Variants in GABARAPL1 observed in about 807,000 individuals in gnomAD.
GABARAPL1 encodes GABA type A receptor associated protein like 1.
GABARAPL1 carries 4 observed loss-of-function variants against 14.5 expected under a neutral mutation model. That is an observed-to-expected ratio of 0.28 (90% CI 0.14 to 0.63). GABARAPL1 has a LOEUF of 0.63. Ranked by LOEUF, GABARAPL1 falls within the 30% of genes least tolerant of loss-of-function variation. The pLI is 0.84. For synonymous variants in GABARAPL1, 47 were observed against 50.6 expected (o/e 0.93, Z 0.30); for missense variants, 82 against 139.2 (o/e 0.59, Z 2.07).
intron 1 of GABARAPL1, among the ~76,000 whole-genome samples, chr12:10,215,284 A>T (rs537262938): frequency 6.6e-6 from 1 of 152,326 alleles, no homozygotes; most frequent in African/African-American, 2.4e-5. Flanking sequence ...ACCAGAACTT[A>T]GCCCCACCAA....
intron 1 of GABARAPL1, chr12:10,213,552 C>G (rs539009755): frequency 3.0e-6 from 1 of 337,532 alleles, no homozygotes; most frequent in Admixed American, 4.2e-5. Flanking sequence ...CCCCTGTGGG[C>G]GAGACTGGTT....
intron 1 of GABARAPL1, chr12:10,213,797 C>A: frequency 2.2e-6 from 1 of 455,314 alleles, no homozygotes; most frequent in Non-Finnish European, 4.4e-6. Flanking sequence ...AACAAGGTCA[C>A]GTTCTCTGCC....
intron 3 of GABARAPL1, chr12:10,221,015 C>T: frequency 2.0e-6 from 2 of 985,314 alleles, no homozygotes; most frequent in Non-Finnish European, 1.2e-6. Context: ...AACTCTGAGG[C>T]CAGCCTCTGC....
In GABARAPL1 at chr12:10,213,165, G is replaced by A. The variant is rs1949067373; in HGVS notation, c.36G>A (p.Glu12=). ...AGTACAAGGAGGACCATCCCTTTGA[G>A]TATCGGAAAAAGGAAGGAGAAAAGA... is the stretch of plus-strand genomic sequence containing the variant. ...KFQYKEDHPF[E]YRKKEGEKIR... The change falls in exon 1 of 4, where the codon GAG becomes GAA. Residue 12 remains glutamate (E), a synonymous_variant. Coordinates refer to ENST00000266458, the MANE Select transcript of GABARAPL1 (RefSeq NM_031412.4). 2.5e-6 allele frequency: 4 copies of A among 1,588,372 alleles called. No homozygotes were observed. The highest frequency in any genetic ancestry group is 3.4e-6 in the Non-Finnish European group (4 of 1,167,488).
Position 10,221,982 on chromosome 12 carries a change from C to T in GABARAPL1, c.*130C>T, listed in dbSNP as rs568814340. The T allele has an allele frequency of 2.4e-5, 17 of 721,934 alleles. No individual in the cohort carries two copies. In the East Asian group the frequency reaches 3.9e-4, roughly 17 times the overall value. The allele number at this position is 721,934 out of a possible 1,614,324, so 44.7% of individuals were successfully genotyped here. ...AAGGTGAAGACATCTAGAAACATTACACCACACACACCGTCATCACATTTT... is the reference window on the plus strand; with the variant it reads ...AAGGTGAAGACATCTAGAAACATTATACCACACACACCGTCATCACATTTT... On this transcript the variant is annotated 3_prime_UTR_variant, in exon 4 of 4. Coordinates refer to ENST00000266458, the MANE Select transcript of GABARAPL1 (RefSeq NM_031412.4).
intron 1 of GABARAPL1, chr12:10,214,097 A>G (rs1054129997): frequency 6.6e-6 from 2 of 303,662 alleles, no homozygotes; most frequent in African/African-American, 2.2e-5. Flanking sequence ...ATTGGAGGGC[A>G]GAATATGGCT....
At chr12:10,218,783 A>G (rs1949104279) in intron 2 of GABARAPL1, among the ~76,000 whole-genome samples, 1 of 151,404 alleles carries the variant, frequency 6.6e-6, no homozygotes, top group Non-Finnish European at 1.5e-5. Flanking sequence ...ATCTTGGCTC[A>G]CTGCAACCTC....
intron 3 of GABARAPL1, chr12:10,221,443 T>A (rs4763466): frequency 1 from 928,171 of 930,746 alleles, 462,858 homozygotes; most frequent in East Asian, 1. Context: ...TGAATCTTTT[T>A]TTGCATAGCA....
At position 10,212,877 on chromosome 12, in the gene GABARAPL1, GT is replaced by G; in HGVS notation, c.-248del. 1.2e-5 allele frequency: 5 copies of G among 412,268 alleles called. No individual in the cohort carries two copies. Among genetic ancestry groups the G allele is most frequent in the Non-Finnish European group, 1.8e-5 (4 of 225,900 alleles). 25.5% of individuals were successfully genotyped at this position (412,268 alleles called of 1,614,324 possible). A position where few individuals can be genotyped will look rare whatever the true frequency, so the allele number is the denominator to read the frequency against. On this transcript the variant is annotated 5_prime_UTR_variant, in exon 1 of 4. Transcript: ENST00000266458. ...TCACAGCCCGACGCGCCACCCAGCT[GT>G]TTTTGTGCTCCCAGCTCTAGCGAAA...
In GABARAPL1 at chr12:10,215,553, C is replaced by G. The variant is rs550571755; in HGVS notation, c.90+2334C>G. Among the ~76,000 whole-genome samples the G allele has an allele frequency of 1.7e-3, 266 of 152,288 alleles. 1 individual carries two copies. Among genetic ancestry groups the G allele is most frequent in the Admixed American group, 4.1e-3 (63 of 15,286 alleles). ...GGAGTAGAGCTGGGATTCCTGGAAA[C>G]TTAACCTTGGTACTGGGAAACCAAT... On this transcript the variant is annotated intron_variant, in intron 1 of 3. Transcript: ENST00000266458.
intron 3 of GABARAPL1, chr12:10,221,048 G>A (rs1390095051): frequency 4.2e-5 from 41 of 985,176 alleles, no homozygotes; most frequent in Non-Finnish European, 4.7e-5. Context: ...TCTCCCCACA[G>A]TCAGCTTCTT....
intron 1 of GABARAPL1, chr12:10,214,081 A>T (rs1592003311): frequency 3.2e-6 from 1 of 311,872 alleles, no homozygotes; most frequent in East Asian, 8.2e-5. Context: ...CAGGCTGCGC[A>T]GCCGAATTGG....
chr12:10,218,265 G>A (rs930523938), intron 2 of GABARAPL1, 124 bp downstream of exon 2: 9 of 707,986 alleles, frequency 1.3e-5, no homozygotes, highest in Non-Finnish European at 2.3e-5. Flanking sequence ...GGGATGCTCT[G>A]GAGTTATCTG....
intron 1 of GABARAPL1, chr12:10,214,086 A>T (rs1386672353): frequency 3.3e-6 from 1 of 305,594 alleles, no homozygotes; most frequent in Admixed American, 4.0e-5. Context: ...TGCGCAGCCG[A>T]ATTGGAGGGC....
At chr12:10,214,922 G>A (rs1949079616) in intron 1 of GABARAPL1, 1 of 152,184 alleles carries the variant, frequency 6.6e-6, no homozygotes, top group Non-Finnish European at 1.5e-5. Flanking sequence ...ATATTTTAGA[G>A]CATTCTGTTC....
chr12:10,215,095 G>A (rs1949080472), intron 1 of GABARAPL1, among the ~76,000 whole-genome samples: 1 of 152,138 alleles, frequency 6.6e-6, no homozygotes, highest in African/African-American at 2.4e-5. Context: ...TTATGACGCA[G>A]GTTCCTTGAT....
chr12:10,213,519 G>T (rs1486579508), intron 1 of GABARAPL1: 1 of 361,938 alleles, frequency 2.8e-6, no homozygotes, highest in East Asian at 6.4e-5. Flanking sequence ...GACCGTGTGT[G>T]GGTTGCGGTG....
chr12:10,220,022 G>T (rs1949111806), intron 2 of GABARAPL1, among the ~76,000 whole-genome samples: 1 of 152,186 alleles, frequency 6.6e-6, no homozygotes, highest in African/African-American at 2.4e-5. Flanking sequence ...AAGATGACCA[G>T]AGTCCAGTGG....
chr12:10,220,814 T>C lies in GABARAPL1; in HGVS notation c.288+256T>C. On this transcript the variant is annotated intron_variant, in intron 3 of 3. Coordinates refer to ENST00000266458, the MANE Select transcript of GABARAPL1 (RefSeq NM_031412.4). The stretch of plus-strand genomic sequence containing the variant: ...GTCTTGTCTGACTATAGTGTTTTAA[T>C]GCTGGACTGTTTATTGAAACAGCAG... The C allele has an allele frequency of 9.1e-6, 13 of 1,435,642 alleles. No homozygotes were observed. The South Asian group carries it at 1.9e-4, about 21-fold the overall frequency. 88.9% of individuals were successfully genotyped at this position (1,435,642 alleles called of 1,614,324 possible). A position where few individuals can be genotyped will look rare whatever the true frequency, so the allele number is the denominator to read the frequency against.
Sources: gnomAD v4.1 joint callset for allele counts (sites outside exome capture counted in the v4.1 genomes callset) on GRCh38, gnomAD v4.1.1 for gene constraint, MANE v1.5 for transcripts, NCBI Gene and HGNC (gene_info 2026-07-23, HGNC 2026-07-21) for gene names.